Variants in MMP27 observed in about 807,000 individuals in gnomAD.
MMP27 encodes matrix metalloproteinase-27.
MMP27 carries 51 observed loss-of-function variants against 48.1 expected under a neutral mutation model. The observed-to-expected ratio is 1.06, with a 90% CI of 0.85 to 1.34. The LOEUF is 1.34. MMP27 is among the 40% of genes most tolerant of loss of function. The pLI, the probability that MMP27 is intolerant of heterozygous loss-of-function variation, is 0.00. For synonymous variants in MMP27, 229 were observed against 208.9 expected (o/e 1.10, Z -0.83); for missense variants, 698 against 619.3 (o/e 1.13, Z -1.35).
chr11:102,700,639 G>T (rs759296604), intron 4 of MMP27, among the ~76,000 whole-genome samples: 1 of 152,228 alleles, frequency 6.6e-6, no homozygotes, highest in African/African-American at 2.4e-5. Flanking sequence ...AGCCCTGAAA[G>T]GAACCAGTGT....
At chr11:102,705,405 T>C (rs1428584997) in intron 1 of MMP27, among the ~76,000 whole-genome samples, 1 of 152,190 alleles carries the variant, frequency 6.6e-6, no homozygotes, top group Non-Finnish European at 1.5e-5. Flanking sequence ...CTAAAAGTTA[T>C]AGCAGATCCT....
At chr11:102,703,404 T>A (rs1860983694) in intron 2 of MMP27, among the ~76,000 whole-genome samples, 1 of 152,106 alleles carries the variant, frequency 6.6e-6, no homozygotes, top group Non-Finnish European at 1.5e-5. Context: ...AAGACAGCAT[T>A]TATCTCATGT....
intron 4 of MMP27, 144 bp from the exon 5 acceptor site, chr11:102,696,979 G>C (rs1860843804): frequency 2.4e-6 from 2 of 823,610 alleles, no homozygotes; most frequent in African/African-American, 3.5e-5. Flanking sequence ...ATTTATCTGG[G>C]AGGTATTGCA....
intron 4 of MMP27, among the ~76,000 whole-genome samples, chr11:102,697,829 G>C (rs114838214): frequency 1.6e-3 from 237 of 152,206 alleles, no homozygotes; most frequent in African/African-American, 5.5e-3. Flanking sequence ...TTAAAATTTT[G>C]GACTTTATTG....
intron 2 of MMP27, among the ~76,000 whole-genome samples, chr11:102,704,330 A>T (rs1861003399): frequency 6.6e-6 from 1 of 152,184 alleles, no homozygotes; most frequent in Non-Finnish European, 1.5e-5. Flanking sequence ...CGGTAAATAA[A>T]CTTTTGTTTC....
At chr11:102,696,104 C>T (rs1353589354) in intron 6 of MMP27, among the ~76,000 whole-genome samples, 1 of 152,200 alleles carries the variant, frequency 6.6e-6, no homozygotes, top group South Asian at 2.1e-4. Context: ...TTGGTGGACT[C>T]TTCTGGCCAA....
chr11:102,701,672 A>T (rs1860942521), intron 4 of MMP27, among the ~76,000 whole-genome samples: 1 of 152,190 alleles, frequency 6.6e-6, no homozygotes, highest in Non-Finnish European at 1.5e-5. Context: ...ATGCTAAGTC[A>T]TGTGGCAATG....
chr11:102,705,594 T>C lies in MMP27; in HGVS notation c.102+19A>G, dbSNP rs759196020. The C allele has an allele frequency of 1.5e-5, 21 of 1,394,092 alleles. No homozygotes were observed. In the South Asian group the frequency reaches 1.7e-4, roughly 12 times the overall value. The allele number at this position is 1,394,092 out of a possible 1,614,324, so 86.4% of individuals were successfully genotyped here. A position where few individuals can be genotyped will look rare whatever the true frequency, so the allele number is the denominator to read the frequency against. On this transcript the variant is annotated intron_variant, in intron 1 of 9. Coordinates refer to ENST00000260229, the MANE Select transcript of MMP27 (RefSeq NM_022122.3). ...AGCTTTTTATCAATAGTCATCGATA[T>C]CATTTATTAAGACAGTACCTGAGCC...
intron 1 of MMP27, among the ~76,000 whole-genome samples, chr11:102,705,064 G>A (rs1408325158): frequency 6.6e-6 from 1 of 152,118 alleles, no homozygotes; most frequent in Non-Finnish European, 1.5e-5. Flanking sequence ...AGAGAATGAA[G>A]CTTCGTCTGT....
Position 102,696,469 on chromosome 11 carries a change from AGCAGGTT to A in MMP27, c.797_803del (p.Glu266ValfsTer16), listed in dbSNP as rs1200932642. The A allele has an allele frequency of 1.2e-6, 2 of 1,613,830 alleles. No individual in the cohort carries two copies. On this transcript the variant is annotated frameshift_variant, in exon 6 of 10. Coordinates refer to ENST00000260229, the MANE Select transcript of MMP27 (RefSeq NM_022122.3). LOFTEE classifies it high-confidence loss of function. Reference sequence around the variant, plus strand: ...GGGGTATAGTGGGTTCCTTTGGCTTAGCAGGTTCCTTAGGCAGACCTCCTTTGATGAG... The same window carrying A: ...GGGGTATAGTGGGTTCCTTTGGCTTACCTTAGGCAGACCTCCTTTGATGAG...
At chr11:102,705,488 C>T (rs1861029860) in intron 1 of MMP27, 125 bp downstream of exon 1, 5 of 579,052 alleles carry the variant, frequency 8.6e-6, no homozygotes, top group Non-Finnish European at 1.5e-5. Context: ...AAATGAAAAG[C>T]AGTTCCTTCT....
intron 1 of MMP27, 49 bp downstream of exon 1, chr11:102,705,564 A>G (rs1263119103): frequency 8.1e-7 from 1 of 1,239,070 alleles, no homozygotes; most frequent in Non-Finnish European, 1.1e-6. Flanking sequence ...AGAATCAATA[A>G]AATAAGCTTT....
rs754648618 is a variant in MMP27 at position 102,702,986 on chromosome 11, A to T, written c.474T>A (p.Ile158=). The change falls in exon 3 of 10, where the codon ATT becomes ATA. Residue 158 remains isoleucine, a synonymous_variant. Coordinates refer to ENST00000260229, the MANE Select transcript of MMP27 (RefSeq NM_022122.3). ...AAACCTTACCTCGAGTCCTAAAGGC[A>T]ATCATGATGTCTGCAATCCCCTTTG... is the stretch of plus-strand genomic sequence containing the variant. ...KISKGIADIM[I]AFRTRVHGRC... is the part of the protein sequence containing the mutation. The T allele has an allele frequency of 1.8e-5, 29 of 1,613,870 alleles. No individual in the cohort carries two copies. The Admixed American group carries it at 4.8e-4, about 27-fold the overall frequency.
At chr11:102,698,067 C>A (rs780693394) in intron 4 of MMP27, among the ~76,000 whole-genome samples, 1 of 152,100 alleles carries the variant, frequency 6.6e-6, no homozygotes, top group Non-Finnish European at 1.5e-5. Flanking sequence ...CCTATTCTTT[C>A]TTTCTTTCTT....
At position 102,696,760 on chromosome 11, in the gene MMP27, G is replaced by T. The variant is rs1384151529; in HGVS notation, c.695C>A (p.Ala232Asp). Residue 232 changes from alanine to aspartate, a missense_variant, in exon 5 of 10, where the codon GCC (alanine) becomes GAC (aspartate). Coordinates refer to ENST00000260229, the MANE Select transcript of MMP27 (RefSeq NM_022122.3). Reference sequence around the variant, plus strand: ...GGAGACATAATTTGGGAACATCAAGGCTGTTTGATCATTGGAGTGAGAGAG... The same window carrying T: ...GGAGACATAATTTGGGAACATCAAGTCTGTTTGATCATTGGAGTGAGAGAG... ...LGLSHSNDQT[A>D]LMFPNYVSLD... The T allele has an allele frequency of 4.3e-6, 7 of 1,613,770 alleles. No individual in the cohort carries two copies. In the East Asian group the frequency reaches 1.6e-4, roughly 36 times the overall value.
At chr11:102,697,697 G>A (rs961704333) in intron 4 of MMP27, among the ~76,000 whole-genome samples, 15 of 151,868 alleles carry the variant, frequency 9.9e-5, no homozygotes, top group African/African-American at 3.1e-4. Flanking sequence ...TAGAGATGGG[G>A]GTCTCACTAT....
intron 2 of MMP27, among the ~76,000 whole-genome samples, chr11:102,703,975 T>C (rs192486364): frequency 7.0e-4 from 106 of 152,368 alleles, no homozygotes; most frequent in Middle Eastern, 3.4e-3. Flanking sequence ...TGTAGAGTGA[T>C]GGTCAAGGTG....
At chr11:102,693,837 G>A (rs1018497673) in intron 8 of MMP27, 69 bp downstream of exon 8, 8 of 1,304,238 alleles carry the variant, frequency 6.1e-6, no homozygotes, top group Non-Finnish European at 7.3e-6. Flanking sequence ...TTTTGTCTGT[G>A]TCAAAGTGAT....
At chr11:102,692,453 T>G (rs141553934) in intron 9 of MMP27, among the ~76,000 whole-genome samples, 2,253 of 152,328 alleles carry the variant, frequency 0.015, 31 homozygotes, top group African/African-American at 0.035. Context: ...TATTTCTAGA[T>G]TACCCCATGG....
Sources: allele counts gnomAD v4.1 joint callset (sites outside exome capture counted in the v4.1 genomes callset), GRCh38; gene constraint gnomAD v4.1.1; transcripts MANE v1.5; gene names NCBI Gene and HGNC (gene_info 2026-07-23, HGNC 2026-07-21).